Variants in CYP2C19 observed in about 807,000 individuals in gnomAD.
The protein encoded by CYP2C19 is cytochrome P450 family 2 subfamily C member 19.
CYP2C19 carries 59 observed loss-of-function variants against 40.9 expected under a neutral mutation model. The ratio of observed to expected loss-of-function variants is 1.44; its 90% CI spans 1.17 to 1.79. The LOEUF (loss-of-function observed/expected upper bound fraction) is 1.79, where lower values mean the gene tolerates loss of function less well. Ranked by LOEUF, CYP2C19 falls within the 40% of genes most tolerant of loss-of-function variation. CYP2C19 has a pLI of 0.00. For missense variants in CYP2C19, 754 were observed against 596.9 expected, an observed-to-expected ratio of 1.26 and a Z score of -2.74; for synonymous variants, 253 against 208.7, an observed-to-expected ratio of 1.21 and a Z score of -1.83.
intron 6 of CYP2C19, among the ~76,000 whole-genome samples, chr10:94,841,300 G>A (rs182015474): frequency 1.1e-4 from 16 of 152,298 alleles, no homozygotes; most frequent in Admixed American, 2.6e-4. Context: ...TAGCCCTATC[G>A]GGAATGGCAA....
intron 6 of CYP2C19, among the ~76,000 whole-genome samples, chr10:94,826,996 A>T (rs1849236562): frequency 6.6e-6 from 1 of 152,146 alleles, no homozygotes; most frequent in South Asian, 2.1e-4. Flanking sequence ...CCAGCCTTGC[A>T]TCCCAGGGAT....
intron 6 of CYP2C19, among the ~76,000 whole-genome samples, chr10:94,834,843 G>A (rs931447443): frequency 6.6e-6 from 1 of 152,180 alleles, no homozygotes; most frequent in Admixed American, 6.5e-5. Context: ...TTCCCAGGTA[G>A]GCTTAGGGAT....
At chr10:94,792,339 G>T (rs1056426641) in intron 5 of CYP2C19, among the ~76,000 whole-genome samples, 2 of 152,050 alleles carry the variant, frequency 1.3e-5, no homozygotes, top group African/African-American at 4.8e-5. Flanking sequence ...CTTTTAATTG[G>T]AGCATTTGGC....
chr10:94,767,492 A>G (rs1447085047), intron 1 of CYP2C19, among the ~76,000 whole-genome samples: 2 of 152,196 alleles, frequency 1.3e-5, no homozygotes, highest in African/African-American at 4.8e-5. Flanking sequence ...CAGACCAACA[A>G]GTATTGAAAT....
At chr10:94,818,199 T>C (rs1316529591) in intron 5 of CYP2C19, among the ~76,000 whole-genome samples, 9 of 146,338 alleles carry the variant, frequency 6.2e-5, no homozygotes, top group Non-Finnish European at 1.3e-4. Flanking sequence ...CAGATAGTTG[T>C]AGGTATGCGG....
At chr10:94,772,727 C>A (rs1848351578) in intron 1 of CYP2C19, among the ~76,000 whole-genome samples, 3 of 152,178 alleles carry the variant, frequency 2.0e-5, no homozygotes, top group Admixed American at 2.0e-4. Context: ...TGTTAGAGAG[C>A]CCTTTCCCAG....
rs556742667 is a variant in CYP2C19 at position 94,832,711 on chromosome 10, G to T, written c.962-10126G>T. Among the ~76,000 whole-genome samples the T allele has an allele frequency of 3.1e-3, 472 of 151,532 alleles. 3 individuals carry two copies. The highest frequency in any genetic ancestry group is 0.011 in the African/African-American group (448 of 41,276). On this transcript the variant is annotated intron_variant, in intron 6 of 8. Coordinates refer to ENST00000371321, the MANE Select transcript of CYP2C19 (RefSeq NM_000769.4). ...GAGATAATGTGATTCCTCCAGTTTT[G>T]TTTTTTTTGCTTATGATAGTTTTGA...
chr10:94,796,829 G>T (rs1848695762), intron 5 of CYP2C19, among the ~76,000 whole-genome samples: 1 of 152,070 alleles, frequency 6.6e-6, no homozygotes, highest in Non-Finnish European at 1.5e-5. Flanking sequence ...TGTGAATTTT[G>T]TACATTGATT....
intron 4 of CYP2C19, 125 bp downstream of exon 4, chr10:94,780,784 A>G: frequency 9.8e-7 from 1 of 1,024,616 alleles, no homozygotes; most frequent in Non-Finnish European, 1.5e-6. Context: ...CTAGACAGCC[A>G]TGGGGTGAAT....
At chr10:94,849,797 C>T in intron 7 of CYP2C19, 120 bp from the exon 8 acceptor site, 1 of 1,254,222 alleles carries the variant, frequency 8.0e-7, no homozygotes, top group South Asian at 1.2e-5. Flanking sequence ...TGGTACTGCT[C>T]TTCTTTGGAA....
At chr10:94,796,552 G>A (rs1000167174) in intron 5 of CYP2C19, among the ~76,000 whole-genome samples, 1 of 152,094 alleles carries the variant, frequency 6.6e-6, no homozygotes, top group African/African-American at 2.4e-5. Context: ...GTATCTTGAT[G>A]GGGATGGCAT....
At chr10:94,764,567 C>T (rs996066250) in intron 1 of CYP2C19, among the ~76,000 whole-genome samples, 40 of 152,144 alleles carry the variant, frequency 2.6e-4, no homozygotes, top group African/African-American at 8.4e-4. Flanking sequence ...GTTGGGAATT[C>T]GGTGATGACT....
intron 5 of CYP2C19, among the ~76,000 whole-genome samples, chr10:94,800,080 G>A (rs952688886): frequency 3.9e-5 from 6 of 152,122 alleles, no homozygotes; most frequent in African/African-American, 1.4e-4. Context: ...AGGAGGAGAG[G>A]CACTCTGGTT....
At chr10:94,852,086 A>G (rs191300701) in intron 8 of CYP2C19, among the ~76,000 whole-genome samples, 2 of 152,290 alleles carry the variant, frequency 1.3e-5, no homozygotes, top group African/African-American at 4.8e-5. Context: ...GGGACTGATG[A>G]TGAGTGGCTA....
rs1321956291 is a variant in CYP2C19, at chr10:94,775,484, G to C, written c.426G>C (p.Glu142Asp). ...TTGGGATGGGGAAGAGGAGCATTGA[G>C]GACCGTGTTCAAGAGGAAGCCCGCT... The part of the protein sequence containing the change: ...RNFGMGKRSI[E>D]DRVQEEARCL... The change falls in exon 3 of 9, where the codon GAG becomes GAC. Residue 142 changes from glutamate (E) to aspartate (D), a missense_variant. Physicochemically the swap from Glu to Asp is conservative, Grantham distance 45. Coordinates refer to ENST00000371321, the MANE Select transcript of CYP2C19 (RefSeq NM_000769.4). 1 of 1,614,060 alleles carries C rather than the reference G, an allele frequency of 6.2e-7. No individual in the cohort carries two copies. The highest frequency in any genetic ancestry group is 1.3e-5 in the African/African-American group (1 of 75,040).
chr10:94,798,577 C>A (rs79796210), intron 5 of CYP2C19, among the ~76,000 whole-genome samples: 2 of 151,958 alleles, frequency 1.3e-5, no homozygotes, highest in African/African-American at 4.8e-5. Context: ...ATCTGTTTAA[C>A]ATTGACAGTA....
rs113649950 is a variant in CYP2C19 at position 94,772,937 on chromosome 10, G to A, written c.169-2121G>A. 3.9e-3 allele frequency among the ~76,000 whole-genome samples: 590 copies of A among 152,176 alleles called. 2 individuals carry two copies. Among genetic ancestry groups the A allele is most frequent in the African/African-American group, 0.013 (554 of 41,524 alleles). On this transcript the variant is annotated intron_variant, in intron 1 of 8. Coordinates refer to ENST00000371321, the MANE Select transcript of CYP2C19 (RefSeq NM_000769.4). Reference sequence around the variant, plus strand: ...GCTGGGACTACAGGCGCCCGCCACCGCGCCCGGCTAATTTTTTGTATTTTT... The same window carrying A: ...GCTGGGACTACAGGCGCCCGCCACCACGCCCGGCTAATTTTTTGTATTTTT...
chr10:94,809,383 G>T (rs1848881630), intron 5 of CYP2C19, among the ~76,000 whole-genome samples: 1 of 152,044 alleles, frequency 6.6e-6, no homozygotes, highest in Admixed American at 6.6e-5. Context: ...CTATCTGTGG[G>T]TTATCTTTTC....
chr10:94,796,589 A>G (rs1564667828), intron 5 of CYP2C19, among the ~76,000 whole-genome samples: 1 of 152,094 alleles, frequency 6.6e-6, no homozygotes. Context: ...CTTGGGCAGT[A>G]TGGCCATTTT....
Sources: gnomAD v4.1 joint callset for allele counts (sites outside exome capture counted in the v4.1 genomes callset) on GRCh38, gnomAD v4.1.1 for gene constraint, MANE v1.5 for transcripts, NCBI Gene and HGNC (gene_info 2026-07-23, HGNC 2026-07-21) for gene names.